The following OTOF variants were observed in gnomAD, a reference collection of about 807,000 sequenced individuals.
OTOF encodes the protein fer-1-like family member 2.
A neutral mutation model predicts 236.8 loss-of-function variants in OTOF; 218 were observed. The observed-to-expected ratio is 0.92, with a 90% CI of 0.82 to 1.03. The LOEUF is 1.03. Among genes scored for constraint, OTOF ranks in the 50% least tolerant of loss-of-function variants. The pLI, the probability that OTOF is intolerant of heterozygous loss-of-function variation, is 0.00. For synonymous variants in OTOF, 1,041 were observed against 1,072.5 expected (o/e 0.97, Z 0.57); for missense variants, 2,590 against 2,694.4 (o/e 0.96, Z 0.86).
intron 3 of OTOF, among the ~76,000 whole-genome samples, chr2:26,526,384 TGGATGGATGAAAGGATGGAA>T (rs1211588044): frequency 6.6e-6 from 1 of 151,420 alleles, no homozygotes; most frequent in Non-Finnish European, 1.5e-5. Flanking sequence ...GATTGATGAA[TGGATGGATGAAAGGATGGAA>T]GGATGGATGA....
intron 8 of OTOF, among the ~76,000 whole-genome samples, chr2:26,500,008 CT>C (rs1405909132): frequency 6.6e-6 from 1 of 152,184 alleles, no homozygotes; most frequent in Non-Finnish European, 1.5e-5. Flanking sequence ...ATAAAAGTCT[CT>C]GGTAGGAGGC....
chr2:26,472,267 A>G, intron 30 of OTOF: 4 of 544,006 alleles, frequency 7.4e-6, no homozygotes, highest in Non-Finnish European at 1.4e-5. Context: ...ATGCACACAC[A>G]CATGCACATA....
intron 2 of OTOF, among the ~76,000 whole-genome samples, chr2:26,531,486 T>C (rs571513376): frequency 6.5e-4 from 99 of 152,254 alleles, no homozygotes; most frequent in African/African-American, 2.3e-3. Context: ...CGGCAGAATG[T>C]GTTTAGTTTA....
chr2:26,496,038 G>A (rs1228331503), intron 8 of OTOF, among the ~76,000 whole-genome samples: 1 of 152,108 alleles, frequency 6.6e-6, no homozygotes, highest in Non-Finnish European at 1.5e-5. Context: ...GCCTTTTTCA[G>A]CCTACTGATT....
At chr2:26,546,563 C>T (rs1020381593) in intron 1 of OTOF, among the ~76,000 whole-genome samples, 3 of 151,932 alleles carry the variant, frequency 2.0e-5, no homozygotes, top group Non-Finnish European at 4.4e-5. Flanking sequence ...TTCAAGGCTG[C>T]TTTAGCTATT....
intron 1 of OTOF, 95 bp from the exon 2 acceptor site, chr2:26,537,869 A>T: frequency 1.1e-6 from 1 of 937,838 alleles, no homozygotes; most frequent in Non-Finnish European, 1.7e-6. Context: ...TCCTAACAGC[A>T]TTTGACTTTT....
intron 7 of OTOF, 70 bp downstream of exon 7, chr2:26,502,230 A>T: frequency 6.4e-7 from 1 of 1,574,680 alleles, no homozygotes; most frequent in Non-Finnish European, 8.7e-7. Flanking sequence ...CCCAAATTCC[A>T]ATCATGGCAA....
At chr2:26,488,962 T>C (rs1209274114) in intron 11 of OTOF, among the ~76,000 whole-genome samples, 2 of 152,250 alleles carry the variant, frequency 1.3e-5, no homozygotes, top group African/African-American at 4.8e-5. Flanking sequence ...CCTTCCAGGC[T>C]CTGTGCAGAG....
In OTOF at chr2:26,462,896, A is replaced by T. The variant is rs971222643; in HGVS notation, c.5192+587T>A. Among the ~76,000 whole-genome samples, 1 of 152,172 alleles carries T rather than the reference A, an allele frequency of 6.6e-6. No homozygotes were observed. Among genetic ancestry groups the T allele is most frequent in the African/African-American group, 2.4e-5 (1 of 41,430 alleles). The stretch of plus-strand genomic sequence containing the variant: ...TGGCCCTGAATCCAGTCACTGTCTG[A>T]CAGCTGGACTTGAACCTGCCGCTTT... On this transcript the variant is annotated intron_variant, in intron 41 of 46. Transcript: ENST00000272371. The surrounding 1 kb of genome is among the most constrained non-coding windows in gnomAD (Gnocchi z 4.7).
chr2:26,477,829 A>C lies in OTOF; in HGVS notation c.2215-80T>G. 6.3e-7 allele frequency: 1 copy of C among 1,581,044 alleles called. No homozygotes were observed. The highest frequency in any genetic ancestry group is 8.6e-7 in the Non-Finnish European group (1 of 1,163,556). Reference sequence around the variant, plus strand: ...CCCAAATGCCTCCTCCCTGTTGATCAGGGGAGTGAGGGACCTCATGATCTG... The same window carrying C: ...CCCAAATGCCTCCTCCCTGTTGATCCGGGGAGTGAGGGACCTCATGATCTG... On this transcript the variant is annotated intron_variant, in intron 18 of 46. Coordinates refer to ENST00000272371, the MANE Select transcript of OTOF (RefSeq NM_194248.3). The surrounding 1 kb of genome is among the most constrained non-coding windows in gnomAD (Gnocchi z 4.7).
At chr2:26,537,208 G>T in intron 2 of OTOF, among the ~76,000 whole-genome samples, 1 of 152,154 alleles carries the variant, frequency 6.6e-6, no homozygotes, top group East Asian at 1.9e-4. Flanking sequence ...TCCCCTCAAG[G>T]TCTGGAGATG....
intron 33 of OTOF, among the ~76,000 whole-genome samples, 184 bp downstream of exon 33, chr2:26,468,224 G>C (rs1349678420): frequency 6.6e-6 from 1 of 152,178 alleles, no homozygotes; most frequent in African/African-American, 2.4e-5. Context: ...CAGAGTAAAA[G>C]CCTCCCTGGA....
rs1268509805 is a variant in OTOF at position 26,520,058 on chromosome 2, T to C, written c.228-949A>G. 2.0e-5 allele frequency among the ~76,000 whole-genome samples: 3 copies of C among 152,234 alleles called. No individual in the cohort carries two copies. In the East Asian group the frequency reaches 5.8e-4, roughly 29 times the overall value. On this transcript the variant is annotated intron_variant, in intron 3 of 46. Coordinates refer to ENST00000272371, the MANE Select transcript of OTOF (RefSeq NM_194248.3). ...CCCAATAAATGCTGATGGAGTTGAC[T>C]TCAACCCCATTGCACCCCACAGTCA...
At chr2:26,554,135 T>A (rs1667529789) in intron 1 of OTOF, among the ~76,000 whole-genome samples, 2 of 130,906 alleles carry the variant, frequency 1.5e-5, no homozygotes, top group African/African-American at 5.9e-5. Context: ...CGCACTGCAC[T>A]GCACTCCAGC....
chr2:26,492,372 A>G (rs1176363194), intron 9 of OTOF, among the ~76,000 whole-genome samples: 4 of 152,250 alleles, frequency 2.6e-5, no homozygotes, highest in Admixed American at 2.6e-4. Flanking sequence ...AGTTTAGAGG[A>G]AACAGAAACA....
In OTOF at chr2:26,457,551, T is replaced by TG. The variant is rs1664248043; in HGVS notation, c.*686dup. The TG allele has an allele frequency of 6.5e-6, 1 of 154,092 alleles. No homozygotes were observed. 9.5% of individuals were successfully genotyped at this position (154,092 alleles called of 1,614,324 possible). A position where few individuals can be genotyped will look rare whatever the true frequency, so the allele number is the denominator to read the frequency against. On this transcript the variant is annotated 3_prime_UTR_variant, in exon 47 of 47. Coordinates refer to ENST00000272371, the MANE Select transcript of OTOF (RefSeq NM_194248.3). This position sits in a 1 kb window ranked among gnomAD's most constrained non-coding sequence, Gnocchi z 4.4. ...GCAGAAGCAGCCGCGCTGGGACTTG[T>TG]GGGCAGGGTCTGGCCCCTGCTGCGG...
At chr2:26,539,847 C>CAAACA (rs1158560174) in intron 1 of OTOF, among the ~76,000 whole-genome samples, 14 of 152,272 alleles carry the variant, frequency 9.2e-5, no homozygotes, top group East Asian at 7.7e-4. Flanking sequence ...GGCTGAAAGA[C>CAAACA]AAACAAAACA....
intron 9 of OTOF, among the ~76,000 whole-genome samples, chr2:26,493,059 A>T (rs751006551): frequency 6.6e-6 from 1 of 152,186 alleles, no homozygotes; most frequent in Non-Finnish European, 1.5e-5. Context: ...TGTCTTGGGG[A>T]CATAGATGCT....
chr2:26,520,633 T>C (rs553734983), intron 3 of OTOF, among the ~76,000 whole-genome samples: 1 of 152,318 alleles, frequency 6.6e-6, no homozygotes, highest in Admixed American at 6.5e-5. Context: ...CATAGCTGCA[T>C]GCACCTCTCC....
Sources: gnomAD v4.1 joint callset for allele counts (sites outside exome capture counted in the v4.1 genomes callset) on GRCh38, gnomAD v4.1.1 for gene constraint, Gnocchi (gnomAD v3.1) non-coding constraint, MANE v1.5 for transcripts, NCBI Gene and HGNC (gene_info 2026-07-23, HGNC 2026-07-21) for gene names.